Variants in DLGAP2 observed in about 807,000 individuals in gnomAD.
DLGAP2 encodes the protein DLG associated protein 2.
A neutral mutation model predicts 100.3 loss-of-function variants in DLGAP2; 26 were observed. That is an observed-to-expected ratio of 0.26 (90% CI 0.19 to 0.36). DLGAP2 has a LOEUF of 0.36. DLGAP2 is among the 10% of genes least tolerant of loss of function. The probability of loss-of-function intolerance (pLI) is 1.00; values close to 1 mark genes in which losing one functional copy is unlikely to be tolerated. For synonymous variants in DLGAP2, 886 were observed against 630.1 expected (o/e 1.41, Z -6.08); for missense variants, 1,858 against 1,453.2 (o/e 1.28, Z -4.53).
At chr8:976,256 G>A (rs1800159433) in intron 2 of DLGAP2, among the ~76,000 whole-genome samples, 1 of 152,192 alleles carries the variant, frequency 6.6e-6, no homozygotes, top group Admixed American at 6.5e-5. Context: ...GTACTGTAAT[G>A]AAGACAGTGT....
chr8:1,588,457 T>C (rs1012732001), intron 6 of DLGAP2, among the ~76,000 whole-genome samples: 1 of 152,226 alleles, frequency 6.6e-6, no homozygotes, highest in South Asian at 2.1e-4. Flanking sequence ...AAAGACAATG[T>C]GTTCTATGAG....
At chr8:1,526,138 C>T (rs1173191222) in intron 4 of DLGAP2, among the ~76,000 whole-genome samples, 1 of 151,162 alleles carries the variant, frequency 6.6e-6, no homozygotes, top group Non-Finnish European at 1.5e-5. Context: ...GTGAGCGCTT[C>T]TCAGTTCCCA....
At chr8:899,374 C>T (rs909767791) in intron 1 of DLGAP2, among the ~76,000 whole-genome samples, 29 of 152,204 alleles carry the variant, frequency 1.9e-4, no homozygotes, top group African/African-American at 6.3e-4. Context: ...CCCTGGGCCA[C>T]GCTGCTGAGA....
intron 2 of DLGAP2, among the ~76,000 whole-genome samples, chr8:971,284 G>C (rs746531561): frequency 6.6e-6 from 1 of 152,220 alleles, no homozygotes; most frequent in Non-Finnish European, 1.5e-5. Context: ...AAAGTGGACA[G>C]AGGGTTTCTG....
At chr8:849,161 C>T (rs1012762739) in intron 1 of DLGAP2, among the ~76,000 whole-genome samples, 8 of 151,364 alleles carry the variant, frequency 5.3e-5, no homozygotes, top group Admixed American at 2.0e-4. Flanking sequence ...AGTATAGGAA[C>T]ATGCCAGGGT....
intron 1 of DLGAP2, among the ~76,000 whole-genome samples, chr8:897,190 G>A (rs918018950): frequency 2.0e-5 from 3 of 152,104 alleles, no homozygotes; most frequent in Admixed American, 6.5e-5. Context: ...AAACATGATC[G>A]TGGCCTCGCA....
Position 820,178 on chromosome 8 carries a change from C to G in DLGAP2, c.18+82353C>G, listed in dbSNP as rs541033815. On this transcript the variant is annotated intron_variant, in intron 1 of 14. Transcript: ENST00000637795. ...CTGGTTATCCATTGGAGAAAAAATT[C>G]ATTTCCATCTCACAACACAACAAAG... Among the ~76,000 whole-genome samples the G allele has an allele frequency of 2.6e-5, 4 of 152,354 alleles. No homozygotes were observed. The South Asian group carries it at 8.3e-4, about 32-fold the overall frequency.
chr8:1,696,224 G>T (rs1041369437), intron 13 of DLGAP2, among the ~76,000 whole-genome samples: 1 of 152,176 alleles, frequency 6.6e-6, no homozygotes, highest in Admixed American at 6.5e-5. Context: ...GGAGCAAGCC[G>T]GGCACGGTGG....
intron 3 of DLGAP2, among the ~76,000 whole-genome samples, chr8:1,365,365 G>T (rs558104116): frequency 1.3e-5 from 2 of 152,280 alleles, no homozygotes; most frequent in South Asian, 2.1e-4. Flanking sequence ...GCACAGGGGA[G>T]CAGGGAGATG....
At chr8:1,615,564 C>A (rs1797122594) in intron 6 of DLGAP2, among the ~76,000 whole-genome samples, 2 of 151,686 alleles carry the variant, frequency 1.3e-5, no homozygotes, top group South Asian at 2.1e-4. Flanking sequence ...CCGGAAAGAT[C>A]TTTAAAGCAG....
At chr8:1,279,178 T>G (rs889920578) in intron 3 of DLGAP2, among the ~76,000 whole-genome samples, 2 of 152,212 alleles carry the variant, frequency 1.3e-5, no homozygotes, top group Non-Finnish European at 2.9e-5. Flanking sequence ...ATGATAATTT[T>G]AAGTTAGGAA....
At position 795,662 on chromosome 8, in the gene DLGAP2, GCAGGTGTCCAGTGAGAA is replaced by G. The variant is rs1436252925; in HGVS notation, c.18+57842_18+57858del. ...CAGTGAGAGCAGGCGTCCAGTGAGA[GCAGGTGTCCAGTGAGAA>G]CAGGCGTCCAGTGAGAGCAGGCGTC... On this transcript the variant is annotated intron_variant, in intron 1 of 14. Coordinates refer to ENST00000637795, the MANE Select transcript of DLGAP2 (RefSeq NM_001346810.2). 5.2e-3 allele frequency among the ~76,000 whole-genome samples: 673 copies of G among 129,486 alleles called. 2 individuals are homozygous for G. Among genetic ancestry groups the G allele is most frequent in the Admixed American group, 7.7e-3 (94 of 12,214 alleles). The allele number at this position is 129,486 out of a possible 152,430, so 84.9% of individuals were successfully genotyped here.
intron 3 of DLGAP2, among the ~76,000 whole-genome samples, chr8:1,481,471 C>CTT (rs1165790168): frequency 0.26 from 11,477 of 43,730 alleles, 1,349 homozygotes; most frequent in Non-Finnish European, 0.33. Flanking sequence ...TTTTCTTTTT[C>CTT]TTTTTTTTTT....
chr8:1,287,206 T>C (rs1297433684), intron 3 of DLGAP2, among the ~76,000 whole-genome samples: 2 of 7,556 alleles, frequency 2.6e-4, no homozygotes, highest in Non-Finnish European at 2.3e-4. Flanking sequence ...TTTGGTTCAG[T>C]GTGTGTGTGT....
chr8:1,559,400 C>A (rs1802082511), intron 5 of DLGAP2, among the ~76,000 whole-genome samples: 1 of 152,156 alleles, frequency 6.6e-6, no homozygotes, highest in Non-Finnish European at 1.5e-5. Context: ...GGCAGGCTGG[C>A]ATTTTAGTAT....
intron 2 of DLGAP2, among the ~76,000 whole-genome samples, chr8:1,162,190 C>T (rs537105831): frequency 1.3e-5 from 2 of 152,286 alleles, no homozygotes; most frequent in East Asian, 1.9e-4. Context: ...AACTCGGAGG[C>T]GAGGGAGGCG....
chr8:815,409 G>A (rs949057429), intron 1 of DLGAP2, among the ~76,000 whole-genome samples: 5 of 152,222 alleles, frequency 3.3e-5, no homozygotes, highest in African/African-American at 1.2e-4. Context: ...GTGAATTTTG[G>A]AGACCTTTTC....
intron 2 of DLGAP2, among the ~76,000 whole-genome samples, chr8:1,203,423 T>TGGCGTGTCCTTC (rs1483371578): frequency 4.6e-5 from 7 of 152,124 alleles, no homozygotes; most frequent in East Asian, 1.9e-4. Context: ...CCCATGAGAC[T>TGGCGTGTCCTTC]GATGACCCTG....
chr8:890,782 CCT>C (rs1798018971), intron 1 of DLGAP2, among the ~76,000 whole-genome samples: 1 of 152,114 alleles, frequency 6.6e-6, no homozygotes, highest in Non-Finnish European at 1.5e-5. Context: ...GCCTCAGCCC[CCT>C]GTCCTTTGCA....
Sources: allele counts gnomAD v4.1 joint callset (sites outside exome capture counted in the v4.1 genomes callset), GRCh38; gene constraint gnomAD v4.1.1; transcripts MANE v1.5; gene names NCBI Gene and HGNC (gene_info 2026-07-23, HGNC 2026-07-21).